The following CCDC3 variants were observed in gnomAD, a reference collection of about 807,000 sequenced individuals.
The protein encoded by CCDC3 is coiled-coil domain containing 3, also known as coiled-coil domain-containing protein 3.
Under a neutral mutation model 21.4 loss-of-function variants are expected in CCDC3, and 24 were observed. The ratio of observed to expected loss-of-function variants is 1.12; its 90% CI spans 0.81 to 1.58. CCDC3 has a LOEUF of 1.58. Among genes scored for constraint, CCDC3 ranks in the 40% most tolerant of loss-of-function variants. The probability of loss-of-function intolerance (pLI) is 0.00; values close to 1 mark genes in which losing one functional copy is unlikely to be tolerated. For missense variants in CCDC3, 425 were observed against 360.9 expected (o/e 1.18, Z -1.44); for synonymous variants, 186 against 166.0 (o/e 1.12, Z -0.93).
At chr10:12,977,741 C>T (rs985408748) in intron 2 of CCDC3, among the ~76,000 whole-genome samples, 5 of 152,164 alleles carry the variant, frequency 3.3e-5, no homozygotes, top group African/African-American at 1.2e-4. Flanking sequence ...CTTCATCAAC[C>T]ATGCTAAGAT....
At chr10:12,906,862 ACTC>A (rs1212094364) in intron 2 of CCDC3, among the ~76,000 whole-genome samples, 6 of 150,094 alleles carry the variant, frequency 4.0e-5, no homozygotes, top group Admixed American at 1.3e-4. Context: ...TGCTGCTGGA[ACTC>A]CTCCTCCCTC....
At chr10:12,985,281 T>C (rs1267341920) in intron 2 of CCDC3, among the ~76,000 whole-genome samples, 2 of 152,238 alleles carry the variant, frequency 1.3e-5, no homozygotes, top group Non-Finnish European at 2.9e-5. Flanking sequence ...TTACACCGAA[T>C]GCTGGCAACG....
At chr10:13,087,809 G>C (rs1049090171) in intron 3 of CCDC3, among the ~76,000 whole-genome samples, 1 of 152,170 alleles carries the variant, frequency 6.6e-6, no homozygotes, top group Non-Finnish European at 1.5e-5. Flanking sequence ...CAATGGGCTG[G>C]AATGCTTTTC....
chr10:12,920,263 G>A (rs1276940622), intron 2 of CCDC3, among the ~76,000 whole-genome samples: 14 of 152,186 alleles, frequency 9.2e-5, no homozygotes, highest in Admixed American at 9.2e-4. Flanking sequence ...CAGATCTCAT[G>A]AGACTTAATC....
At chr10:12,923,365 GT>G (rs1268050425) in intron 2 of CCDC3, among the ~76,000 whole-genome samples, 1 of 152,106 alleles carries the variant, frequency 6.6e-6, no homozygotes, top group African/African-American at 2.4e-5. Flanking sequence ...TGAAATACTC[GT>G]TATTCCCTGA....
At chr10:12,951,827 A>AAAAAAAAAAAAT (rs59869850) in intron 2 of CCDC3, among the ~76,000 whole-genome samples, 1 of 150,666 alleles carries the variant, frequency 6.6e-6, no homozygotes, top group African/African-American at 2.4e-5. Context: ...AAAAAAAAAA[A>AAAAAAAAAAAAT]GTTGTTCTTT....
At chr10:13,096,191 C>T (rs7069139) in intron 3 of CCDC3, among the ~76,000 whole-genome samples, 46 of 147,266 alleles carry the variant, frequency 3.1e-4, no homozygotes, top group African/African-American at 1.0e-3. Context: ...CTCTCTCTCT[C>T]TCTTTCTTTT....
chr10:12,985,439 G>C (rs1336431263), intron 2 of CCDC3, among the ~76,000 whole-genome samples: 1 of 152,190 alleles, frequency 6.6e-6, no homozygotes, highest in East Asian at 1.9e-4. Flanking sequence ...TTATAACAGA[G>C]AAGTGAAAAC....
chr10:13,071,217 CTT>C (rs543715216), intron 4 of CCDC3, among the ~76,000 whole-genome samples: 147 of 152,274 alleles, frequency 9.7e-4, no homozygotes, highest in African/African-American at 3.4e-3. Context: ...ACAAGACATC[CTT>C]TTCTCTCCCT....
At chr10:13,093,959 G>A (rs1832604201) in intron 3 of CCDC3, among the ~76,000 whole-genome samples, 1 of 152,160 alleles carries the variant, frequency 6.6e-6, no homozygotes, top group Admixed American at 6.5e-5. Context: ...GCATTACAGT[G>A]ATTATTTTCC....
chr10:13,027,734 A>C lies in CCDC3; in HGVS notation c.-2+21940T>G, dbSNP rs932442279. 2.9e-4 allele frequency among the ~76,000 whole-genome samples: 41 copies of C among 139,738 alleles called. 1 individual carries two copies. The highest frequency in any genetic ancestry group is 2.7e-3 in the Admixed American group (38 of 14,234). 91.7% of individuals were successfully genotyped at this position (139,738 alleles called of 152,430 possible). ...TCAAAAAAAATTAAAAAAAAAAAAC[A>C]AAAAAAAACTACTCAGTACTTTCCG... On this transcript the variant is annotated intron_variant, in intron 5 of 6. Coordinates refer to the CCDC3 transcript ENST00000378839.
intron 2 of CCDC3, among the ~76,000 whole-genome samples, chr10:12,901,224 A>G (rs1453662721): frequency 6.6e-6 from 1 of 152,126 alleles, no homozygotes; most frequent in Non-Finnish European, 1.5e-5. Context: ...TATTAATCCC[A>G]GGAGCATTCT....
intron 2 of CCDC3, chr10:12,924,860 G>A (rs1231865201): frequency 2.6e-5 from 4 of 152,186 alleles, no homozygotes; most frequent in Non-Finnish European, 5.9e-5. Flanking sequence ...TGGTCAATTT[G>A]GGTCTCATGA....
chr10:13,018,635 G>A (rs561705491), intron 5 of CCDC3, among the ~76,000 whole-genome samples: 2 of 152,088 alleles, frequency 1.3e-5, no homozygotes, highest in Non-Finnish European at 2.9e-5. Context: ...ATGGACTATT[G>A]AAAAATGAAT....
intron 2 of CCDC3, among the ~76,000 whole-genome samples, chr10:12,914,447 CTTTTG>C (rs1834318330): frequency 6.6e-6 from 1 of 151,804 alleles, no homozygotes; most frequent in African/African-American, 2.4e-5. Context: ...CTGATTTTAT[CTTTTG>C]TTTTTTCTTT....
At chr10:12,916,830 G>C (rs1212368192) in intron 2 of CCDC3, among the ~76,000 whole-genome samples, 2 of 152,228 alleles carry the variant, frequency 1.3e-5, no homozygotes, top group Non-Finnish European at 2.9e-5. Context: ...AAGGCTGCAG[G>C]GGCCTGTCTG....
Position 13,001,510 on chromosome 10 carries a change from C to G in CCDC3, c.61G>C (p.Ala21Pro). Residue 21 changes from alanine (A) to proline (P), a missense_variant, in exon 1 of 3, where the codon GCC becomes CCC. Ala to Pro is a conservative substitution (Grantham distance 27). Coordinates refer to ENST00000378825, the MANE Select transcript of CCDC3 (RefSeq NM_031455.4). ...CTCCACTCGGAGGGCAGCTGGCAGGCGCGCGCGGGCGCTGGGGGACCCGCC... is the reference window on the plus strand; with the variant it reads ...CTCCACTCGGAGGGCAGCTGGCAGGGGCGCGCGGGCGCTGGGGGACCCGCC... ...CLAGPPAPAR[A>P]CQLPSEWRPL... The G allele has an allele frequency of 3.8e-6, 5 of 1,324,946 alleles. No homozygotes were observed. Among genetic ancestry groups the G allele is most frequent in the Non-Finnish European group, 4.8e-6 (5 of 1,039,944 alleles). The allele number at this position is 1,324,946 out of a possible 1,614,324, so 82.1% of individuals were successfully genotyped here.
chr10:12,942,857 A>G (rs1022369669), intron 2 of CCDC3, among the ~76,000 whole-genome samples: 7 of 152,098 alleles, frequency 4.6e-5, no homozygotes, highest in Non-Finnish European at 8.8e-5. Flanking sequence ...CGCCTATTCA[A>G]CCTTGGCTCT....
At chr10:12,983,130 GTATATATA>G (rs57120940) in intron 2 of CCDC3, among the ~76,000 whole-genome samples, 1 of 29,084 alleles carries the variant, frequency 3.4e-5, no homozygotes, top group African/African-American at 1.5e-4. Flanking sequence ...ATAAAATAGT[GTATATATA>G]TATATATATA....
Sources: gnomAD v4.1 joint callset for allele counts (sites outside exome capture counted in the v4.1 genomes callset) on GRCh38, gnomAD v4.1.1 for gene constraint, MANE v1.5 for transcripts, NCBI Gene and HGNC (gene_info 2026-07-23, HGNC 2026-07-21) for gene names.